The following EXOG variants were observed in gnomAD, a reference collection of about 807,000 sequenced individuals.
The protein encoded by EXOG is nuclease EXOG, mitochondrial.
In EXOG, 27 loss-of-function variants were observed where a neutral mutation model predicts 25.8. The observed-to-expected ratio is 1.05, with a 90% CI of 0.77 to 1.45. The LOEUF (loss-of-function observed/expected upper bound fraction) is 1.45, where lower values mean the gene tolerates loss of function less well. Ranked by LOEUF, EXOG falls within the 40% of genes most tolerant of loss-of-function variation. The pLI, the probability that EXOG is intolerant of heterozygous loss-of-function variation, is 0.00. For missense variants in EXOG, 458 were observed against 450.5 expected, an observed-to-expected ratio of 1.02 and a Z score of -0.15; for synonymous variants, 133 against 167.0, an observed-to-expected ratio of 0.80 and a Z score of 1.57.
At chr3:38,497,824 A>G (rs1329987912) in intron 2 of EXOG, 46 bp downstream of exon 2, 1 of 1,557,600 alleles carries the variant, frequency 6.4e-7, no homozygotes, top group Non-Finnish European at 8.6e-7. Context: ...TTTATGAAAG[A>G]TGTCTCCAAA....
intron 5 of EXOG, among the ~76,000 whole-genome samples, chr3:38,522,555 A>G (rs1390870457): frequency 1.3e-5 from 2 of 152,090 alleles, no homozygotes; most frequent in Non-Finnish European, 2.9e-5. Context: ...CCCAGGCTGG[A>G]GTGTAGTGTC....
At chr3:38,508,721 C>G (rs5002837) in intron 5 of EXOG, among the ~76,000 whole-genome samples, 1 of 144,876 alleles carries the variant, frequency 6.9e-6, no homozygotes, top group African/African-American at 2.6e-5. Flanking sequence ...ACCCCCCCCC[C>G]AAAAAAAAAC....
intron 5 of EXOG, among the ~76,000 whole-genome samples, chr3:38,511,043 G>A (rs2060354034): frequency 6.6e-6 from 1 of 152,122 alleles, no homozygotes. Flanking sequence ...AATTCAGTAA[G>A]TCATCCGTTC....
At position 38,497,620 on chromosome 3, in the gene EXOG, C is replaced by CA; in HGVS notation, c.164-8dup. 1 of 919,710 alleles carries CA rather than the reference C, an allele frequency of 1.1e-6. No homozygotes were observed. The highest frequency in any genetic ancestry group is 1.4e-6 in the Non-Finnish European group (1 of 722,266). 57.0% of individuals were successfully genotyped at this position (919,710 alleles called of 1,614,324 possible). On this transcript the variant is annotated splice_polypyrimidine_tract_variant and intron_variant, in intron 1 of 5. Transcript: ENST00000287675. Reference sequence around the variant, plus strand: ...CTGCCCCCCCTTTTTTTTTTTTTTTCATTTTTAGGATCTGCAGAAAAGGCT... The same window carrying CA: ...CTGCCCCCCCTTTTTTTTTTTTTTTCAATTTTTAGGATCTGCAGAAAAGGCT...
chr3:38,503,689 C>G lies in EXOG; in HGVS notation c.528C>G (p.Asn176Lys). The G allele has an allele frequency of 6.4e-7, 1 of 1,556,602 alleles. No homozygotes were observed. Among genetic ancestry groups the G allele is most frequent in the Non-Finnish European group, 8.9e-7 (1 of 1,128,776 alleles). ...QDFDNNSGYWNRIEMYCRELT... is the reference protein window; with the variant it reads ...QDFDNNSGYWKRIEMYCRELT... Reference sequence around the variant, plus strand: ...TTGATAATAATTCTGGATATTGGAACAGGTGAGGGATGAGAGTTTTAAAAA... The same window carrying G: ...TTGATAATAATTCTGGATATTGGAAGAGGTGAGGGATGAGAGTTTTAAAAA... Residue 176 changes from asparagine (N) to lysine (K), a missense_variant and splice_region_variant, in exon 4 of 6, where the codon AAC (asparagine) becomes AAG (lysine). Asn to Lys is a moderately conservative substitution (Grantham distance 94). Transcript: ENST00000287675.
rs765614425 is a variant in EXOG at position 38,497,608 on chromosome 3, T to TCC, written c.164-21_164-20insCC. 42 of 1,344,036 alleles carry TCC rather than the reference T, an allele frequency of 3.1e-5. No individual in the cohort carries two copies. The African/African-American group carries it at 7.1e-4, about 23-fold the overall frequency. The allele number at this position is 1,344,036 out of a possible 1,614,324, so 83.3% of individuals were successfully genotyped here. A position where few individuals can be genotyped will look rare whatever the true frequency, so the allele number is the denominator to read the frequency against. ...TTTTTTTTGTCTCTGCCCCCCCTTT[T>TCC]TTTTTTTTTTTCATTTTTAGGATCT... is the stretch of plus-strand genomic sequence containing the variant. On this transcript the variant is annotated intron_variant, in intron 1 of 5. Transcript: ENST00000287675.
intron 2 of EXOG, among the ~76,000 whole-genome samples, chr3:38,500,356 A>C (rs1162392268): frequency 2.0e-5 from 3 of 152,182 alleles, no homozygotes; most frequent in African/African-American, 7.2e-5. Flanking sequence ...AAATTCCTAC[A>C]AATTGCTTTT....
intron 5 of EXOG, among the ~76,000 whole-genome samples, chr3:38,511,655 C>G (rs574023015): frequency 2.6e-5 from 4 of 152,206 alleles, no homozygotes; most frequent in Admixed American, 6.5e-5. Context: ...GGAGCTTATC[C>G]CTTTATCTTG....
chr3:38,508,288 G>A (rs970197842), intron 5 of EXOG, among the ~76,000 whole-genome samples: 4 of 152,178 alleles, frequency 2.6e-5, no homozygotes, highest in African/African-American at 9.7e-5. Flanking sequence ...ATTAAAGATA[G>A]GAGAGTGTAA....
intron 5 of EXOG, among the ~76,000 whole-genome samples, chr3:38,521,485 T>C (rs1320728182): frequency 6.6e-6 from 1 of 152,200 alleles, no homozygotes; most frequent in African/African-American, 2.4e-5. Context: ...TTAATTATAT[T>C]TGAAAATTGC....
intron 2 of EXOG, chr3:38,500,258 TACG>T (rs1209560487): frequency 6.5e-6 from 1 of 152,926 alleles, no homozygotes; most frequent in Non-Finnish European, 1.5e-5. Context: ...CATGGTTTAA[TACG>T]GTTCTCCACT....
intron 5 of EXOG, among the ~76,000 whole-genome samples, chr3:38,508,376 G>A (rs935706163): frequency 6.6e-6 from 1 of 152,208 alleles, no homozygotes; most frequent in Non-Finnish European, 1.5e-5. Flanking sequence ...AATTTACAAA[G>A]TGGTATACCT....
At chr3:38,498,742 G>A (rs1575606301) in intron 2 of EXOG, 4 of 311,388 alleles carry the variant, frequency 1.3e-5, no homozygotes, top group Admixed American at 1.3e-4. Flanking sequence ...GGCCCCCAAT[G>A]TGGACAGGAG....
At chr3:38,515,812 C>A in intron 5 of EXOG, 1 of 154,174 alleles carries the variant, frequency 6.5e-6, no homozygotes, top group South Asian at 1.8e-4. Context: ...AAGTTCGTGT[C>A]TAGCTCTAGG....
intron 5 of EXOG, 77 bp downstream of exon 5, chr3:38,507,045 T>C (rs2060222880): frequency 3.0e-6 from 2 of 658,652 alleles, no homozygotes; most frequent in Middle Eastern, 2.6e-4. Context: ...TTTTTATTTT[T>C]ATTTTTATCA....
Position 38,525,762 on chromosome 3 carries a change from A to G in EXOG, c.*1400A>G. The G allele has an allele frequency of 4.4e-6, 2 of 451,938 alleles. No homozygotes were observed. The highest frequency in any genetic ancestry group is 5.8e-6 in the Non-Finnish European group (2 of 342,646). 28.0% of individuals were successfully genotyped at this position (451,938 alleles called of 1,614,324 possible). A position where few individuals can be genotyped will look rare whatever the true frequency, so the allele number is the denominator to read the frequency against. ...GTTTGAGACCAGCCTGGGCAACATAATGAAACCCTATCTTTACAAAAAAAT... is the reference window on the plus strand; with the variant it reads ...GTTTGAGACCAGCCTGGGCAACATAGTGAAACCCTATCTTTACAAAAAAAT... On this transcript the variant is annotated 3_prime_UTR_variant, in exon 6 of 6. Coordinates refer to ENST00000287675, the MANE Select transcript of EXOG (RefSeq NM_005107.4).
chr3:38,513,506 C>G (rs1007796901), intron 5 of EXOG, among the ~76,000 whole-genome samples: 1 of 152,056 alleles, frequency 6.6e-6, no homozygotes. Flanking sequence ...AACGGAAAAA[C>G]AGAAGTGGAA....
chr3:38,500,972 C>T (rs891556366), intron 2 of EXOG, among the ~76,000 whole-genome samples: 10 of 152,144 alleles, frequency 6.6e-5, no homozygotes, highest in Admixed American at 2.0e-4. Flanking sequence ...CAAATACAAT[C>T]GTACAAAATA....
Position 38,524,359 on chromosome 3 carries a change from C to T in EXOG, c.1104C>T (p.Ser368=), listed in dbSNP as rs752489474. ...CAGGAACCCAGATAAGAAAGCCATC[C>T]TAGTTTTTATCTCAAGATGTGTCAT... The part of the protein sequence containing the change: ...EQSGTQIRKP[S] The change falls in exon 6 of 6, where the codon TCC becomes TCT. Residue 368 remains serine, a synonymous_variant. Coordinates refer to ENST00000287675, the MANE Select transcript of EXOG (RefSeq NM_005107.4). 1 of 1,596,712 alleles carries T rather than the reference C, an allele frequency of 6.3e-7. No homozygotes were observed. The highest frequency in any genetic ancestry group is 8.5e-7 in the Non-Finnish European group (1 of 1,173,478).
Sources: gnomAD v4.1 joint callset for allele counts (sites outside exome capture counted in the v4.1 genomes callset) on GRCh38, gnomAD v4.1.1 for gene constraint, MANE v1.5 for transcripts, NCBI Gene and HGNC (gene_info 2026-07-23, HGNC 2026-07-21) for gene names.